DIP2C: variants seen among roughly 807,000 people sequenced by gnomAD.
The protein encoded by DIP2C is DIP2 acetate--CoA ligase C (putative).
A neutral mutation model predicts 192.4 loss-of-function variants in DIP2C; 33 were observed. The observed-to-expected ratio is 0.17, with a 90% CI of 0.13 to 0.23. The LOEUF (loss-of-function observed/expected upper bound fraction) is 0.23. Among genes scored for constraint, DIP2C ranks in the 10% least tolerant of loss-of-function variants. DIP2C has a pLI of 1.00. For synonymous variants in DIP2C, 979 were observed against 864.1 expected (o/e 1.13, Z -2.33); for missense variants, 1,537 against 2,110.1 (o/e 0.73, Z 5.32).
chr10:503,890 T>C (rs1845415693), intron 1 of DIP2C, among the ~76,000 whole-genome samples: 1 of 152,234 alleles, frequency 6.6e-6, no homozygotes, highest in African/African-American at 2.4e-5. Flanking sequence ...TACTGTGACT[T>C]ACCCTAAATT....
chr10:281,594 G>A (rs943942913), intron 35 of DIP2C, among the ~76,000 whole-genome samples: 9 of 152,186 alleles, frequency 5.9e-5, no homozygotes, highest in Admixed American at 1.3e-4. Context: ...GCTCAGCTTC[G>A]ATATCCAGTC....
At chr10:471,362 CAG>C (rs765601457) in intron 3 of DIP2C, among the ~76,000 whole-genome samples, 19 of 152,182 alleles carry the variant, frequency 1.2e-4, no homozygotes, top group South Asian at 2.1e-4. Flanking sequence ...CCTGCATGGA[CAG>C]AGAGATTCAT....
intron 34 of DIP2C, among the ~76,000 whole-genome samples, chr10:285,671 G>A (rs116339166): frequency 6.6e-4 from 100 of 152,356 alleles, no homozygotes; most frequent in African/African-American, 2.3e-3. Context: ...TTGAGATGAG[G>A]TGTCAAGAGA....
intron 29 of DIP2C, among the ~76,000 whole-genome samples, chr10:338,758 AC>A (rs1957995621): frequency 6.6e-6 from 1 of 151,480 alleles, no homozygotes; most frequent in South Asian, 2.1e-4. Context: ...CCCACGCTGC[AC>A]CCTGCCTGGC....
At chr10:465,872 C>A (rs11517321) in intron 3 of DIP2C, among the ~76,000 whole-genome samples, 123,908 of 149,440 alleles carry the variant, frequency 0.83, 54,567 homozygotes, top group Non-Finnish European at 0.96. Flanking sequence ...CAAACCACTG[C>A]TCAAGGAAAT....
chr10:488,840 G>GC (rs892710735), intron 1 of DIP2C, among the ~76,000 whole-genome samples: 2 of 152,184 alleles, frequency 1.3e-5, no homozygotes, highest in Non-Finnish European at 2.9e-5. Flanking sequence ...ATAGAACTGT[G>GC]CCCCAACCCA....
In DIP2C at chr10:486,348, G is replaced by A. The variant is rs532102282; in HGVS notation, c.157+111C>T. 3.0e-5 allele frequency: 30 copies of A among 993,612 alleles called. No homozygotes were observed. The African/African-American group carries it at 4.4e-4, about 15-fold the overall frequency. 61.5% of individuals were successfully genotyped at this position (993,612 alleles called of 1,614,324 possible). ...AATGCCTGGAGGGTGAACGCCAGAC[G>A]CCTCCTCCTGCCGACTGGGAAGCAA... On this transcript the variant is annotated intron_variant, in intron 2 of 36. Transcript: ENST00000280886.
intron 32 of DIP2C, 28 bp downstream of exon 32, chr10:309,977 CGCAGAACAAAACAAAAAAAGGAAAAA>C: frequency 6.4e-7 from 1 of 1,563,682 alleles, no homozygotes; most frequent in African/African-American, 1.4e-5. Flanking sequence ...CATGCAAGGC[CGCAGAACAAAACAAAAAAAGGAAAAA>C]AAGAAAAAAC....
intron 1 of DIP2C, among the ~76,000 whole-genome samples, chr10:545,236 A>G (rs1021759477): frequency 7.7e-6 from 1 of 129,404 alleles, no homozygotes; most frequent in African/African-American, 3.0e-5. Context: ...GCATGACCTC[A>G]GCTCACTGCA....
chr10:431,722 GTATT>G (rs1966857783), intron 4 of DIP2C, among the ~76,000 whole-genome samples: 1 of 152,204 alleles, frequency 6.6e-6, no homozygotes, highest in Admixed American at 6.5e-5. Context: ...CAATGAATAT[GTATT>G]TATTTTTCTT....
intron 33 of DIP2C, among the ~76,000 whole-genome samples, chr10:286,727 A>C (rs766530594): frequency 6.6e-6 from 1 of 152,232 alleles, no homozygotes; most frequent in South Asian, 2.1e-4. Context: ...GGGAATTTTC[A>C]GTTGTTTCAA....
chr10:425,358 AAT>A (rs926806847), intron 4 of DIP2C, among the ~76,000 whole-genome samples: 1 of 128,872 alleles, frequency 7.8e-6, no homozygotes, highest in Non-Finnish European at 1.6e-5. Context: ...AGCGGTGACT[AAT>A]ATGACACGGA....
intron 1 of DIP2C, among the ~76,000 whole-genome samples, chr10:657,108 C>T (rs899515284): frequency 6.0e-5 from 9 of 149,934 alleles, no homozygotes; most frequent in African/African-American, 2.0e-4. Flanking sequence ...TGGACCTGCC[C>T]CCGGACCTGC....
At chr10:620,975 CT>C (rs2131834871) in intron 1 of DIP2C, among the ~76,000 whole-genome samples, 1 of 152,354 alleles carries the variant, frequency 6.6e-6, no homozygotes, top group Admixed American at 6.5e-5. Flanking sequence ...GTTTTTCCCA[CT>C]GAAGATGCAT....
chr10:596,674 GCA>G (rs1851726652), intron 1 of DIP2C, among the ~76,000 whole-genome samples: 1 of 152,178 alleles, frequency 6.6e-6, no homozygotes, highest in Non-Finnish European at 1.5e-5. Flanking sequence ...AGGAAGGAAG[GCA>G]CATACTGTGA....
chr10:330,662 T>TTC (rs1957464702), intron 29 of DIP2C, among the ~76,000 whole-genome samples: 1 of 151,482 alleles, frequency 6.6e-6, no homozygotes, highest in South Asian at 2.1e-4. Context: ...TTTTTTTTTT[T>TTC]TTCAGTGGTA....
intron 3 of DIP2C, among the ~76,000 whole-genome samples, chr10:448,045 T>C (rs1968440173): frequency 7.9e-6 from 1 of 127,284 alleles, no homozygotes. Context: ...TCACACACAG[T>C]AGGGCAGCAG....
At chr10:315,591 T>C (rs1360940808) in intron 31 of DIP2C, among the ~76,000 whole-genome samples, 2 of 152,186 alleles carry the variant, frequency 1.3e-5, no homozygotes, top group Non-Finnish European at 2.9e-5. Context: ...TTAGTTTTAT[T>C]TCTGCAGGGA....
chr10:389,948 G>A lies in DIP2C; in HGVS notation c.1597+43C>T, dbSNP rs368064060. 6.2e-5 allele frequency: 95 copies of A among 1,523,046 alleles called. 1 individual carries two copies. In the East Asian group the frequency reaches 7.0e-4, roughly 11 times the overall value. 94.3% of individuals were successfully genotyped at this position (1,523,046 alleles called of 1,614,324 possible). On this transcript the variant is annotated intron_variant, in intron 13 of 36. Coordinates refer to ENST00000280886, the MANE Select transcript of DIP2C (RefSeq NM_014974.3). The stretch of plus-strand genomic sequence containing the variant: ...ATGTGGCCTTCGTGTCAGGTGTCCC[G>A]GTTAGAACCAGGGTCCCAAGGAGTC...
Sources: gnomAD v4.1 joint callset for allele counts (sites outside exome capture counted in the v4.1 genomes callset) on GRCh38, gnomAD v4.1.1 for gene constraint, MANE v1.5 for transcripts, NCBI Gene and HGNC (gene_info 2026-07-23, HGNC 2026-07-21) for gene names.